The following ZNF486 variants were observed in gnomAD, a reference collection of about 807,000 sequenced individuals.
ZNF486 encodes the protein KRAB box only protein 2.
ZNF486 carries 12 observed loss-of-function variants against 12.8 expected under a neutral mutation model. The observed-to-expected ratio is 0.94, with a 90% CI of 0.60 to 1.52. The LOEUF is 1.52. Ranked by LOEUF, ZNF486 falls within the 40% of genes most tolerant of loss-of-function variation. The pLI is 0.00. For missense variants in ZNF486, 738 were observed against 545.0 expected (o/e 1.35, Z -3.53); for synonymous variants, 231 against 184.9 (o/e 1.25, Z -2.02).
chr19:20,184,441 G>A lies in ZNF486; in HGVS notation c.116G>A (p.Arg39Lys), dbSNP rs782647401. 42 of 1,613,284 alleles carry A rather than the reference G, an allele frequency of 2.6e-5. No homozygotes were observed. In the Admixed American group the frequency reaches 5.2e-4, roughly 20 times the overall value. The change falls in exon 2 of 4, where the codon AGG becomes AAG. Residue 39 changes from arginine to lysine, a missense_variant. By Grantham distance (26) the Arg-to-Lys change is conservative (BLOSUM62 2). Transcript: ENST00000335117. The stretch of plus-strand genomic sequence containing the variant: ...GACACTGCACAGCAGAATTTATATA[G>A]GGATGTGATGTTAGAGAACTACAGA... ...CLDTAQQNLY[R>K]DVMLENYRHL...
chr19:20,186,784 G>A (rs1599710411), intron 3 of ZNF486, among the ~76,000 whole-genome samples: 1 of 122,482 alleles, frequency 8.2e-6, no homozygotes, highest in Non-Finnish European at 1.6e-5. Context: ...ATTTTCATAG[G>A]TTTTTTTTTT....
chr19:20,187,500 GTTTTTTT>G (rs57208523), intron 3 of ZNF486, among the ~76,000 whole-genome samples: 2 of 119,662 alleles, frequency 1.7e-5, no homozygotes, highest in Non-Finnish European at 3.4e-5. Context: ...ACCTCTTCAA[GTTTTTTT>G]TTTTTTTTTT....
At chr19:20,189,290 C>CAA (rs1555716882) in intron 3 of ZNF486, among the ~76,000 whole-genome samples, 1 of 152,132 alleles carries the variant, frequency 6.6e-6, no homozygotes, top group Admixed American at 6.6e-5. Context: ...AGGCTGGTCT[C>CAA]AAACTCCTGA....
At position 20,198,025 on chromosome 19, in the gene ZNF486, T is replaced by A. The variant is rs993611059; in HGVS notation, c.1315T>A (p.Cys439Ser). 21 of 1,613,122 alleles carry A rather than the reference T, an allele frequency of 1.3e-5. No individual in the cohort carries two copies. The highest frequency in any genetic ancestry group is 1.6e-5 in the Non-Finnish European group (19 of 1,179,430). The change falls in exon 4 of 4, where the codon TGT becomes AGT. Residue 439 changes from cysteine to serine, a missense_variant. By Grantham distance (112) the Cys-to-Ser change is moderately radical (BLOSUM62 -1). Coordinates refer to ENST00000335117, the MANE Select transcript of ZNF486 (RefSeq NM_052852.4). ...AGAGAAACCTTACAAATGTAAAGAATGTGGCAAAGCTTTTAACTGGTCCTC... is the reference window on the plus strand; with the variant it reads ...AGAGAAACCTTACAAATGTAAAGAAAGTGGCAAAGCTTTTAACTGGTCCTC... The part of the protein sequence containing the change: ...TGEKPYKCKE[C>S]GKAFNWSSDL...
rs576393147 is a variant in ZNF486 at position 20,197,781 on chromosome 19, A to C, written c.1071A>C (p.Lys357Asn). The C allele has an allele frequency of 7.9e-5, 127 of 1,613,888 alleles. 2 individuals are homozygous for C. The South Asian group carries it at 1.3e-3, about 17-fold the overall frequency. ...CCTACAAATGTGAAGAATGTGGCAA[A>C]GCCTTCACCCGCTCCTCACACCTTA... ...EKPYKCEECG[K>N]AFTRSSHLTM... The change falls in exon 4 of 4, where the codon AAA becomes AAC. Residue 357 changes from lysine to asparagine, a missense_variant. Transcript: ENST00000335117.
intron 1 of ZNF486, among the ~76,000 whole-genome samples, chr19:20,172,080 C>A (rs906286995): frequency 1.1e-4 from 16 of 152,184 alleles, no homozygotes; most frequent in African/African-American, 3.9e-4. Context: ...CCTCGGCTCA[C>A]CACAACCTCA....
intron 3 of ZNF486, among the ~76,000 whole-genome samples, chr19:20,191,092 C>T (rs1331813103): frequency 6.6e-6 from 1 of 152,188 alleles, no homozygotes; most frequent in Non-Finnish European, 1.5e-5. Flanking sequence ...TTGTAAGTTT[C>T]CTGAGGCCCT....
At chr19:20,193,748 A>G (rs778650630) in intron 3 of ZNF486, among the ~76,000 whole-genome samples, 103 of 151,928 alleles carry the variant, frequency 6.8e-4, no homozygotes, top group Non-Finnish European at 1.5e-3. Context: ...ACTTACTGTT[A>G]TTTTTATTAA....
intron 3 of ZNF486, among the ~76,000 whole-genome samples, chr19:20,187,463 T>C (rs1001508095): frequency 6.6e-6 from 1 of 151,970 alleles, no homozygotes; most frequent in African/African-American, 2.4e-5. Context: ...TAGTTTTGTA[T>C]TGGTGCCTAA....
At chr19:20,170,080 A>C (rs573322505) in intron 1 of ZNF486, among the ~76,000 whole-genome samples, 2 of 150,810 alleles carry the variant, frequency 1.3e-5, no homozygotes, top group East Asian at 4.1e-4. Context: ...TTTAGTAGAG[A>C]CGGGTTTCAC....
intron 1 of ZNF486, among the ~76,000 whole-genome samples, chr19:20,183,423 T>G (rs1380295707): frequency 2.0e-5 from 3 of 152,244 alleles, no homozygotes; most frequent in Non-Finnish European, 2.9e-5. Context: ...TCTTGGGTGC[T>G]AAATGAAGCC....
intron 3 of ZNF486, among the ~76,000 whole-genome samples, chr19:20,189,648 A>T (rs987152337): frequency 3.3e-5 from 5 of 152,000 alleles, no homozygotes; most frequent in Admixed American, 6.6e-5. Flanking sequence ...TTGATGAAAA[A>T]TCTTTTTGTT....
chr19:20,178,676 C>CA (rs2089750627), intron 1 of ZNF486, among the ~76,000 whole-genome samples: 1 of 152,232 alleles, frequency 6.6e-6, no homozygotes, highest in Non-Finnish European at 1.5e-5. Flanking sequence ...CACACTTGTG[C>CA]AGCAAAGTGC....
intron 2 of ZNF486, among the ~76,000 whole-genome samples, chr19:20,185,442 G>A (rs11883289): frequency 0.077 from 9,211 of 120,112 alleles, 472 homozygotes; most frequent in African/African-American, 0.17. Flanking sequence ...ATGGAGTCTC[G>A]CTCTGTTGCC....
intron 1 of ZNF486, among the ~76,000 whole-genome samples, chr19:20,180,580 AT>A (rs564267852): frequency 2.6e-5 from 4 of 152,016 alleles, no homozygotes; most frequent in African/African-American, 4.8e-5. Flanking sequence ...TGTTATTATA[AT>A]TTTTTTTCTT....
At chr19:20,190,184 T>C (rs1022075103) in intron 3 of ZNF486, among the ~76,000 whole-genome samples, 8 of 152,200 alleles carry the variant, frequency 5.3e-5, no homozygotes, top group Non-Finnish European at 8.8e-5. Flanking sequence ...TCACATTGTT[T>C]ATGTTACTGT....
At chr19:20,168,172 C>A (rs2089605945) in intron 1 of ZNF486, among the ~76,000 whole-genome samples, 1 of 150,590 alleles carries the variant, frequency 6.6e-6, no homozygotes, top group Admixed American at 6.6e-5. Flanking sequence ...CCATCCTGGC[C>A]AACACCGTGA....
In ZNF486 at chr19:20,197,748, A is replaced by C. The variant is rs782103338; in HGVS notation, c.1038A>C (p.Gly346=). The C allele has an allele frequency of 6.2e-7, 1 of 1,613,926 alleles. No homozygotes were observed. The highest frequency in any genetic ancestry group is 8.5e-7 in the Non-Finnish European group (1 of 1,179,952). ...GTAAACATGAGAAGATTCATACGGG[A>C]GAGAAACCCTACAAATGTGAAGAAT... The part of the protein sequence containing the change: ...ILSKHEKIHT[G]EKPYKCEECG... The change falls in exon 4 of 4, where the codon GGA becomes GGC. Residue 346 remains glycine (G), a synonymous_variant. Transcript: ENST00000335117.
intron 1 of ZNF486, 22 bp downstream of exon 1, chr19:20,167,382 C>A (rs781872379): frequency 6.2e-7 from 1 of 1,611,976 alleles, no homozygotes; most frequent in South Asian, 1.1e-5. Context: ...CATTGGACAT[C>A]CTGAGAGAGG....
Sources: gnomAD v4.1 joint callset for allele counts (sites outside exome capture counted in the v4.1 genomes callset) on GRCh38, gnomAD v4.1.1 for gene constraint, MANE v1.5 for transcripts, NCBI Gene and HGNC (gene_info 2026-07-23, HGNC 2026-07-21) for gene names.